The following TMPRSS7 variants were observed in gnomAD, a reference collection of about 807,000 sequenced individuals.
TMPRSS7 encodes transmembrane protease serine 7.
Under a neutral mutation model 95.6 loss-of-function variants are expected in TMPRSS7, and 81 were observed. That is an observed-to-expected ratio of 0.85 (90% CI 0.71 to 1.02). TMPRSS7 has a LOEUF of 1.02. Ranked by LOEUF, TMPRSS7 falls within the 50% of genes least tolerant of loss-of-function variation. The pLI, the probability that TMPRSS7 is intolerant of heterozygous loss-of-function variation, is 0.00. For missense variants in TMPRSS7, 945 were observed against 955.2 expected (o/e 0.99, Z 0.14); for synonymous variants, 364 against 337.8 (o/e 1.08, Z -0.85).
intron 12 of TMPRSS7, among the ~76,000 whole-genome samples, chr3:112,064,107 G>C (rs1048840676): frequency 2.0e-5 from 3 of 152,150 alleles, no homozygotes; most frequent in African/African-American, 7.2e-5. Context: ...AATTCACTCT[G>C]TACACCTTGG....
intron 6 of TMPRSS7, chr3:112,047,453 A>G (rs1251160196): frequency 1.7e-6 from 1 of 586,172 alleles, no homozygotes; most frequent in Admixed American, 2.2e-5. Flanking sequence ...TGACATGCCT[A>G]TTCTTGAAAT....
chr3:112,045,679 T>G (rs1263139130), intron 4 of TMPRSS7, 71 bp from the exon 5 acceptor site: 48 of 1,420,606 alleles, frequency 3.4e-5, no homozygotes, highest in Non-Finnish European at 4.1e-5. Flanking sequence ...TTACCTTGAA[T>G]CCATCATCTG....
chr3:112,060,277 G>A (rs150463811), intron 10 of TMPRSS7, among the ~76,000 whole-genome samples: 2,899 of 152,138 alleles, frequency 0.019, 80 homozygotes, highest in African/African-American at 0.065. Flanking sequence ...ATGAAGTTTC[G>A]GGCACACATT....
intron 9 of TMPRSS7, among the ~76,000 whole-genome samples, chr3:112,051,245 AAT>A (rs1186440868): frequency 6.6e-6 from 1 of 152,198 alleles, no homozygotes; most frequent in African/African-American, 2.4e-5. Flanking sequence ...AACAATAAAC[AAT>A]AACACAAATA....
rs1218585417 is a variant in TMPRSS7, at chr3:112,077,147, G to C, written c.2224+3G>C. 1 of 1,613,558 alleles carries C rather than the reference G, an allele frequency of 6.2e-7. No individual in the cohort carries two copies. Among genetic ancestry groups the C allele is most frequent in the East Asian group, 2.2e-5 (1 of 44,884 alleles). On this transcript the variant is annotated splice_donor_region_variant and intron_variant, in intron 16 of 17. Coordinates refer to ENST00000452346, the Ensembl canonical transcript of TMPRSS7. ...CTGGGGGCGAAGACACGAAGCAGGT[G>C]TGTGTATGAATGAATGGTCATGCCC...
intron 2 of TMPRSS7, among the ~76,000 whole-genome samples, chr3:112,041,460 C>G (rs2107736533): frequency 6.6e-6 from 1 of 152,286 alleles, no homozygotes. Context: ...TTCTCCCTTT[C>G]TCTCCCCCTC....
At chr3:112,081,153 C>A in exon 18 of TMPRSS7, 2 of 1,468,522 alleles carry the variant, frequency 1.4e-6, no homozygotes, top group Non-Finnish European at 1.8e-6. Flanking sequence ...CAGTAATTGG[C>A]TGGGTGCGCT....
chr3:112,069,225 C>T (rs534380770), intron 13 of TMPRSS7, among the ~76,000 whole-genome samples: 1 of 152,238 alleles, frequency 6.6e-6, no homozygotes, highest in East Asian at 1.9e-4. Context: ...TTTGGTTTGC[C>T]AGTGTGTTTT....
Position 112,061,781 on chromosome 3 carries a change from C to G in TMPRSS7, c.1311-6C>G, listed in dbSNP as rs750857353. 5.0e-6 allele frequency: 8 copies of G among 1,600,880 alleles called. No individual in the cohort carries two copies. In the African/African-American group the frequency reaches 9.4e-5, roughly 19 times the overall value. ...TGTGTATTCTCCCCGACTCTTGTCT[C>G]CCCAGGTACTGTGGCTCCTACATGG... On this transcript the variant is annotated splice_polypyrimidine_tract_variant and splice_region_variant and intron_variant, in intron 10 of 17. Coordinates refer to ENST00000452346, the Ensembl canonical transcript of TMPRSS7.
intron 10 of TMPRSS7, 70 bp downstream of exon 10, chr3:112,057,201 C>T (rs566805413): frequency 8.7e-6 from 10 of 1,154,514 alleles, no homozygotes; most frequent in South Asian, 8.3e-5. Context: ...TGTTCCTTGT[C>T]CTCAAAGAGT....
At chr3:112,067,940 C>T (rs1196176866) in intron 13 of TMPRSS7, among the ~76,000 whole-genome samples, 2 of 152,166 alleles carry the variant, frequency 1.3e-5, no homozygotes, top group Admixed American at 1.3e-4. Context: ...CCTAGGTTTT[C>T]TTCTAGGGAC....
chr3:112,078,823 T>G (rs1163038988), exon 17 of TMPRSS7: 1 of 1,614,188 alleles, frequency 6.2e-7, no homozygotes, highest in Non-Finnish European at 8.5e-7. Context: ...TACGGGATCA[T>G]CACTTCTCGG....
At chr3:112,061,760 T>C in intron 10 of TMPRSS7, 27 bp from the exon 11 acceptor site, 1 of 1,580,650 alleles carries the variant, frequency 6.3e-7, no homozygotes, top group Non-Finnish European at 8.6e-7. Context: ...TCAAGCTGTG[T>C]ATTCTCCCCG....
At chr3:112,078,169 C>T (rs192021903) in intron 16 of TMPRSS7, among the ~76,000 whole-genome samples, 15 of 152,304 alleles carry the variant, frequency 9.8e-5, no homozygotes, top group African/African-American at 3.6e-4. Context: ...TTACTGTGCT[C>T]AGTGCTTTGA....
chr3:112,078,796 C>T (rs929723176), exon 17 of TMPRSS7: 12 of 1,614,082 alleles, frequency 7.4e-6, no homozygotes, highest in East Asian at 4.5e-5. Flanking sequence ...ATTGATCAAA[C>T]GCTCTGTGTT....
At chr3:112,067,362 G>A (rs9861932) in intron 13 of TMPRSS7, among the ~76,000 whole-genome samples, 1,990 of 152,268 alleles carry the variant, frequency 0.013, 42 homozygotes, top group African/African-American at 0.045. Context: ...GGATGGCTGG[G>A]TCAAATGGTA....
intron 9 of TMPRSS7, among the ~76,000 whole-genome samples, chr3:112,052,860 G>T (rs145531279): frequency 6.6e-6 from 1 of 152,194 alleles, no homozygotes; most frequent in African/African-American, 2.4e-5. Flanking sequence ...TTTTAGTCAG[G>T]GTGTGAAAAA....
chr3:112,070,182 G>A (rs1461586809), intron 13 of TMPRSS7, among the ~76,000 whole-genome samples: 1 of 152,168 alleles, frequency 6.6e-6, no homozygotes, highest in Admixed American at 6.5e-5. Flanking sequence ...ATTGCACTGT[G>A]GTCTATGAGA....
At chr3:112,054,728 G>GTTTTTTTTTTTTTTTTTTTTTTTTT (rs1357112428) in intron 9 of TMPRSS7, among the ~76,000 whole-genome samples, 1 of 37,616 alleles carries the variant, frequency 2.7e-5, no homozygotes, top group Non-Finnish European at 6.3e-5. Flanking sequence ...CTCTCAGTTT[G>GTTTTTTTTTTTTTTTTTTTTTTTTT]CTTTTTTTTT....
Sources: allele counts gnomAD v4.1 joint callset (sites outside exome capture counted in the v4.1 genomes callset), GRCh38; gene constraint gnomAD v4.1.1; transcripts MANE v1.5; gene names NCBI Gene and HGNC (gene_info 2026-07-23, HGNC 2026-07-21).